Variants in LMBRD1 observed in about 807,000 individuals in gnomAD.
LMBRD1 encodes the protein lysosomal cobalamin transport escort protein LMBD1.
In LMBRD1, 64 loss-of-function variants were observed where a neutral mutation model predicts 74.8. The observed-to-expected ratio is 0.86, with a 90% CI of 0.70 to 1.05. LMBRD1 has a LOEUF of 1.05. LMBRD1 is among the 50% of genes least tolerant of loss of function. The pLI is 0.00. For synonymous variants in LMBRD1, 204 were observed against 216.3 expected (o/e 0.94, Z 0.50); for missense variants, 652 against 645.9 (o/e 1.01, Z -0.10).
chr6:69,753,784 C>CA (rs1178580078), intron 3 of LMBRD1, among the ~76,000 whole-genome samples: 1 of 151,798 alleles, frequency 6.6e-6, no homozygotes, highest in Admixed American at 6.6e-5. Flanking sequence ...ACTAAAAATA[C>CA]AAAAAAATTA....
At position 69,690,944 on chromosome 6, in the gene LMBRD1, T is replaced by A. The variant is rs556174038; in HGVS notation, c.1417+6619A>T. Among the ~76,000 whole-genome samples the A allele has an allele frequency of 7.7e-4, 117 of 152,288 alleles. 5 individuals carry two copies. The highest frequency in any genetic ancestry group is 7.6e-3 in the Admixed American group (116 of 15,288). ...CTTCAAAGCATCAACACTATTGATC[T>A]CTAAACATGATACTTTATTGCATAT... On this transcript the variant is annotated intron_variant, in intron 14 of 15. Transcript: ENST00000649934.
At chr6:69,736,850 T>C (rs902838438) in intron 7 of LMBRD1, among the ~76,000 whole-genome samples, 2 of 152,216 alleles carry the variant, frequency 1.3e-5, no homozygotes, top group African/African-American at 4.8e-5. Context: ...AACTTGTGAC[T>C]ACTTCTTAAA....
At chr6:69,726,897 T>TAA (rs1462061201) in intron 7 of LMBRD1, among the ~76,000 whole-genome samples, 1 of 152,190 alleles carries the variant, frequency 6.6e-6, no homozygotes, top group East Asian at 1.9e-4. Context: ...CACATGCCTG[T>TAA]AATCCCAACA....
chr6:69,705,078 C>T (rs186622573), intron 9 of LMBRD1, among the ~76,000 whole-genome samples: 3 of 152,126 alleles, frequency 2.0e-5, no homozygotes, highest in Non-Finnish European at 4.4e-5. Flanking sequence ...TCCATACATA[C>T]TTAAGACCAA....
At chr6:69,699,617 AG>A (rs923267365) in intron 12 of LMBRD1, among the ~76,000 whole-genome samples, 1 of 151,916 alleles carries the variant, frequency 6.6e-6, no homozygotes, top group African/African-American at 2.4e-5. Context: ...TATAAAAATT[AG>A]TTTATGAAAA....
chr6:69,715,744 T>C (rs2149854362), intron 8 of LMBRD1, among the ~76,000 whole-genome samples: 1 of 152,180 alleles, frequency 6.6e-6, no homozygotes, highest in African/African-American at 2.4e-5. Context: ...TTATTATATG[T>C]GTAATTTTTC....
rs765625278 is a variant in LMBRD1 at position 69,734,952 on chromosome 6, G to C, written c.636+2990C>G. Among the ~76,000 whole-genome samples the C allele has an allele frequency of 1.3e-3, 202 of 152,278 alleles. 3 individuals carry two copies. Among genetic ancestry groups the C allele is most frequent in the Middle Eastern group, 3.4e-3 (1 of 294 alleles). On this transcript the variant is annotated intron_variant, in intron 7 of 15. Coordinates refer to ENST00000649934, the MANE Select transcript of LMBRD1 (RefSeq NM_018368.4). Reference sequence around the variant, plus strand: ...AAATTAAGGAATAAATGTTTGCAAAGTGAAAATTATAAAGAGCTCCTCCTA... The same window carrying C: ...AAATTAAGGAATAAATGTTTGCAAACTGAAAATTATAAAGAGCTCCTCCTA...
intron 3 of LMBRD1, among the ~76,000 whole-genome samples, chr6:69,759,233 G>A (rs1484089213): frequency 6.6e-6 from 1 of 152,118 alleles, no homozygotes. Flanking sequence ...CTGGTAACAA[G>A]TATATATTTT....
intron 14 of LMBRD1, among the ~76,000 whole-genome samples, chr6:69,691,565 C>T (rs1320586494): frequency 1.3e-5 from 2 of 151,954 alleles, no homozygotes; most frequent in East Asian, 3.9e-4. Context: ...AGTCAATGTG[C>T]TCACTTGTTA....
intron 14 of LMBRD1, among the ~76,000 whole-genome samples, chr6:69,688,629 GTCT>G (rs1427029628): frequency 6.6e-6 from 1 of 151,840 alleles, no homozygotes; most frequent in Non-Finnish European, 1.5e-5. Flanking sequence ...TGGGAAAAAA[GTCT>G]TCTCTAAAAT....
At chr6:69,733,548 A>ACATTCATGACCAGAGCTCAGCTAT (rs1393376677) in intron 7 of LMBRD1, among the ~76,000 whole-genome samples, 1 of 152,150 alleles carries the variant, frequency 6.6e-6, no homozygotes, top group African/African-American at 2.4e-5. Flanking sequence ...AACAAACTCA[A>ACATTCATGACCAGAGCTCAGCTAT]CATTCATGAC....
chr6:69,747,756 A>G (rs1330093201), intron 5 of LMBRD1, among the ~76,000 whole-genome samples: 2 of 152,244 alleles, frequency 1.3e-5, no homozygotes, highest in Non-Finnish European at 2.9e-5. Flanking sequence ...TATCCAACAC[A>G]TAAGTGTTTC....
chr6:69,790,733 C>A (rs1259842824), intron 1 of LMBRD1: 1 of 458,428 alleles, frequency 2.2e-6, no homozygotes, highest in Non-Finnish European at 4.0e-6. Context: ...TCATTAAACA[C>A]AGTGCAAACG....
chr6:69,740,965 A>G (rs1442604130), intron 6 of LMBRD1, among the ~76,000 whole-genome samples: 1 of 152,152 alleles, frequency 6.6e-6, no homozygotes, highest in Non-Finnish European at 1.5e-5. Context: ...AAGTTAAGAA[A>G]AACTTCTAGA....
At chr6:69,752,391 A>G in intron 3 of LMBRD1, 35 bp from the exon 4 acceptor site, 1 of 1,494,336 alleles carries the variant, frequency 6.7e-7, no homozygotes, top group Non-Finnish European at 9.3e-7. Flanking sequence ...GCTTTACTAA[A>G]TACATATGTA....
At chr6:69,783,238 A>C (rs900541015) in intron 2 of LMBRD1, among the ~76,000 whole-genome samples, 1 of 152,244 alleles carries the variant, frequency 6.6e-6, no homozygotes, top group Non-Finnish European at 1.5e-5. Context: ...AATTCTGTGC[A>C]ATGACTGAAA....
chr6:69,737,578 A>G (rs911053698), intron 7 of LMBRD1, among the ~76,000 whole-genome samples: 6 of 150,324 alleles, frequency 4.0e-5, no homozygotes. Context: ...CTTATATTAT[A>G]TATTATATGC....
Position 69,675,687 on chromosome 6 carries a change from C to G in LMBRD1, c.*471G>C, listed in dbSNP as rs1309561110. ...CTTGAGTGGTGCTAAAGATTTTATG[C>G]AGAAAACTGAAAACAATTTGCATAT... On this transcript the variant is annotated 3_prime_UTR_variant, in exon 16 of 16. Coordinates refer to ENST00000649934, the MANE Select transcript of LMBRD1 (RefSeq NM_018368.4). The G allele has an allele frequency of 5.8e-6, 1 of 173,044 alleles. No homozygotes were observed. The highest frequency in any genetic ancestry group is 1.2e-5 in the Non-Finnish European group (1 of 80,202). The allele number at this position is 173,044 out of a possible 1,614,324, so 10.7% of individuals were successfully genotyped here.
chr6:69,711,861 G>C (rs1418196271), intron 9 of LMBRD1, among the ~76,000 whole-genome samples: 1 of 151,794 alleles, frequency 6.6e-6, no homozygotes, highest in African/African-American at 2.4e-5. Context: ...TTAAGTTCAC[G>C]GGTACAAATG....
Sources: gnomAD v4.1 joint callset for allele counts (sites outside exome capture counted in the v4.1 genomes callset) on GRCh38, gnomAD v4.1.1 for gene constraint, MANE v1.5 for transcripts, NCBI Gene and HGNC (gene_info 2026-07-23, HGNC 2026-07-21) for gene names.